The following MAP3K13 variants were observed in gnomAD, a reference collection of about 807,000 sequenced individuals.
MAP3K13 encodes mitogen-activated protein kinase kinase kinase 13, also known as leucine zipper-bearing kinase.
In MAP3K13, 52 loss-of-function variants were observed where a neutral mutation model predicts 104.0. The observed-to-expected ratio is 0.50, with a 90% CI of 0.40 to 0.63. The LOEUF is 0.63. Among genes scored for constraint, MAP3K13 ranks in the 20% least tolerant of loss-of-function variants. MAP3K13 has a pLI of 0.00. For synonymous variants in MAP3K13, 394 were observed against 442.2 expected, an observed-to-expected ratio of 0.89 and a Z score of 1.37; for missense variants, 914 against 1,218.5, an observed-to-expected ratio of 0.75 and a Z score of 3.72.
intron 7 of MAP3K13, among the ~76,000 whole-genome samples, chr3:185,458,645 G>A (rs1049882547): frequency 5.9e-5 from 9 of 152,110 alleles, no homozygotes; most frequent in African/African-American, 2.2e-4. Context: ...TCTTTCTATA[G>A]TCCTCTTGTA....
chr3:185,337,672 T>C (rs951548386), intron 2 of MAP3K13, among the ~76,000 whole-genome samples: 12 of 152,192 alleles, frequency 7.9e-5, no homozygotes, highest in African/African-American at 2.9e-4. Context: ...CTAATACTTA[T>C]TAACCTGGAC....
chr3:185,440,596 A>G (rs1715271229), intron 3 of MAP3K13, among the ~76,000 whole-genome samples: 1 of 152,212 alleles, frequency 6.6e-6, no homozygotes, highest in Admixed American at 6.5e-5. Flanking sequence ...CTAGAAAATG[A>G]TAGGAGAGTA....
At chr3:185,346,042 A>G (rs1722909053) in intron 2 of MAP3K13, among the ~76,000 whole-genome samples, 1 of 152,218 alleles carries the variant, frequency 6.6e-6, no homozygotes, top group South Asian at 2.1e-4. Flanking sequence ...TTTAAAATCT[A>G]TTCTAGCAAT....
At chr3:185,455,232 TGAGATATATATATGATATATATGA>T (rs1716420613) in intron 7 of MAP3K13, among the ~76,000 whole-genome samples, 1 of 102,236 alleles carries the variant, frequency 9.8e-6, no homozygotes, top group Non-Finnish European at 1.9e-5. Context: ...ATGATATATA[TGAGATATATATATGATATATATGA>T]GATATATGAG....
At chr3:185,421,727 A>T (rs1370449515) in intron 1 of MAP3K13, among the ~76,000 whole-genome samples, 2 of 152,134 alleles carry the variant, frequency 1.3e-5, no homozygotes, top group Admixed American at 1.3e-4. Flanking sequence ...AGGAACTGAG[A>T]GGGCAGAAGA....
chr3:185,475,876 G>T (rs1718092422), intron 11 of MAP3K13, among the ~76,000 whole-genome samples: 3 of 152,122 alleles, frequency 2.0e-5, no homozygotes. Context: ...ACATAAAATT[G>T]TGTTTCAGCT....
Position 185,473,643 on chromosome 3 carries a change from A to G in MAP3K13, c.2312A>G (p.Gln771Arg), listed in dbSNP as rs1440875142. Residue 771 changes from glutamine (Q) to arginine (R), a missense_variant, in exon 11 of 14, where the codon CAG becomes CGG. Coordinates refer to ENST00000265026, the MANE Select transcript of MAP3K13 (RefSeq NM_004721.5). This position sits in a 1 kb window ranked among gnomAD's most constrained non-coding sequence, Gnocchi z 4.9. Reference sequence around the variant, plus strand: ...CATAATCCTCTCTTGGAAAACGCCCAGAGTTCTGAGAAAACGGAAGAAAAT... The same window carrying G: ...CATAATCCTCTCTTGGAAAACGCCCGGAGTTCTGAGAAAACGGAAGAAAAT... ...PAHNPLLENA[Q>R]SSEKTEENEF... 2 of 1,614,214 alleles carry G rather than the reference A, an allele frequency of 1.2e-6. No individual in the cohort carries two copies. The highest frequency in any genetic ancestry group is 1.7e-6 in the Non-Finnish European group (2 of 1,180,046).
At chr3:185,442,319 A>G (rs1257087146) in intron 3 of MAP3K13, among the ~76,000 whole-genome samples, 5 of 147,782 alleles carry the variant, frequency 3.4e-5, no homozygotes, top group Non-Finnish European at 7.7e-5. Flanking sequence ...CCTGTCTGAC[A>G]TGAAAAAAAA....
chr3:185,408,197 T>C (rs962384238), intron 1 of MAP3K13, among the ~76,000 whole-genome samples: 2 of 152,188 alleles, frequency 1.3e-5, no homozygotes, highest in African/African-American at 4.8e-5. Flanking sequence ...AATTTTGCAG[T>C]TGAAATCAAA....
chr3:185,358,899 C>T (rs1347164231), upstream of MAP3K13, among the ~76,000 whole-genome samples: 2 of 152,322 alleles, frequency 1.3e-5, no homozygotes, highest in African/African-American at 4.8e-5. Context: ...GCTAGCATAA[C>T]TACCTGAAGG....
Position 185,418,616 on chromosome 3 carries a change from T to G in MAP3K13, c.-85-9881T>G. 2 of 1,612,232 alleles carry G rather than the reference T, an allele frequency of 1.2e-6. No individual in the cohort carries two copies. Among genetic ancestry groups the G allele is most frequent in the South Asian group, 1.1e-5 (1 of 90,998 alleles). ...CTGGTCTGATGACCTGCTAATTCAC[T>G]GGCAGCGTAGGGCTGTCTGTTGTTT... is the stretch of plus-strand genomic sequence containing the variant. On this transcript the variant is annotated intron_variant, in intron 1 of 13. Transcript: ENST00000265026. The surrounding 1 kb of genome is among the most constrained non-coding windows in gnomAD (Gnocchi z 4.5).
At chr3:185,409,385 A>G (rs887033557) in intron 1 of MAP3K13, among the ~76,000 whole-genome samples, 3 of 152,202 alleles carry the variant, frequency 2.0e-5, no homozygotes, top group Non-Finnish European at 4.4e-5. Flanking sequence ...TTAATTTAAA[A>G]TAAGCTTAAT....
At chr3:185,445,870 G>A (rs1715563363) in intron 4 of MAP3K13, among the ~76,000 whole-genome samples, 1 of 152,168 alleles carries the variant, frequency 6.6e-6, no homozygotes. Context: ...GAGGCAGAGA[G>A]GAAGTTCCCA....
At chr3:185,310,054 G>A (rs1721442914) in intron 2 of MAP3K13, among the ~76,000 whole-genome samples, 1 of 152,182 alleles carries the variant, frequency 6.6e-6, no homozygotes, top group Non-Finnish European at 1.5e-5. Context: ...CCCCTCTATG[G>A]CACAGATATG....
At chr3:185,381,565 T>A (rs1329912262) in intron 1 of MAP3K13, among the ~76,000 whole-genome samples, 3 of 152,204 alleles carry the variant, frequency 2.0e-5, no homozygotes, top group Non-Finnish European at 2.9e-5. Context: ...AGCTCTCCTA[T>A]TGTAAACAAC....
chr3:185,437,537 C>A lies in MAP3K13; in HGVS notation c.566C>A (p.Ala189Glu). 1.9e-6 allele frequency: 3 copies of A among 1,613,514 alleles called. No homozygotes were observed. The highest frequency in any genetic ancestry group is 2.7e-5 in the African/African-American group (2 of 74,804). Residue 189 changes from alanine to glutamate, a missense_variant, in exon 3 of 14, where the codon GCG (alanine) becomes GAG (glutamate). Physicochemically the swap from Ala to Glu is moderately radical, Grantham distance 107. Coordinates refer to ENST00000265026, the MANE Select transcript of MAP3K13 (RefSeq NM_004721.5). ...GCGGTCTTCTTGGGCAAGTTCCGGG[C>A]GGAAGAGGTGGCCATCAAGAAAGTG... ...QGAVFLGKFR[A>E]EEVAIKKVRE... is the part of the protein sequence containing the mutation.
At chr3:185,451,098 GA>G (rs1368127309) in intron 6 of MAP3K13, among the ~76,000 whole-genome samples, 188 bp from the exon 7 acceptor site, 1 of 151,918 alleles carries the variant, frequency 6.6e-6, no homozygotes. Flanking sequence ...TCAAAAAAAA[GA>G]AAAAAAGAAA....
At chr3:185,465,646 C>A in intron 8 of MAP3K13, 101 bp from the exon 9 acceptor site, 1 of 797,582 alleles carries the variant, frequency 1.3e-6, no homozygotes, top group East Asian at 2.5e-5. Context: ...GGGCCTTGGG[C>A]AAATGCTTTT....
At chr3:185,467,416 C>T (rs1016624967) in intron 10 of MAP3K13, among the ~76,000 whole-genome samples, 7 of 152,192 alleles carry the variant, frequency 4.6e-5, no homozygotes, top group Admixed American at 1.3e-4. Context: ...TTTATTCACA[C>T]ATTTAGTTCG....
Sources: gnomAD v4.1 joint callset for allele counts (sites outside exome capture counted in the v4.1 genomes callset) on GRCh38, gnomAD v4.1.1 for gene constraint, Gnocchi (gnomAD v3.1) non-coding constraint, MANE v1.5 for transcripts, NCBI Gene and HGNC (gene_info 2026-07-23, HGNC 2026-07-21) for gene names.